The following CFAP20DC variants were observed in gnomAD, a reference collection of about 807,000 sequenced individuals.
The protein encoded by CFAP20DC is protein CFAP20DC.
Under a neutral mutation model 101.7 loss-of-function variants are expected in CFAP20DC, and 84 were observed. The ratio of observed to expected loss-of-function variants is 0.83; its 90% CI spans 0.69 to 0.99. The LOEUF (loss-of-function observed/expected upper bound fraction) is 0.99, where lower values mean the gene tolerates loss of function less well. CFAP20DC is among the 50% of genes least tolerant of loss of function. The pLI is 0.00. For missense variants in CFAP20DC, 1,007 were observed against 970.3 expected, an observed-to-expected ratio of 1.04 and a Z score of -0.50; for synonymous variants, 359 against 351.2, an observed-to-expected ratio of 1.02 and a Z score of -0.25.
chr3:58,834,236 A>G (rs2076586899), intron 13 of CFAP20DC, among the ~76,000 whole-genome samples: 1 of 152,172 alleles, frequency 6.6e-6, no homozygotes, highest in African/African-American at 2.4e-5. Context: ...TTTGGTAATC[A>G]GATGTGCACA....
intron 12 of CFAP20DC, among the ~76,000 whole-genome samples, chr3:58,854,122 A>AGG: frequency 6.6e-6 from 1 of 152,216 alleles, no homozygotes; most frequent in South Asian, 2.1e-4. Flanking sequence ...AAGCTGATGA[A>AGG]CAACTTCAGC....
intron 15 of CFAP20DC, among the ~76,000 whole-genome samples, chr3:58,766,983 G>A (rs568458071): frequency 1.3e-5 from 2 of 152,262 alleles, no homozygotes; most frequent in African/African-American, 4.8e-5. Context: ...TGATCTTCTC[G>A]TTAAGAGCTC....
intron 5 of CFAP20DC, among the ~76,000 whole-genome samples, chr3:58,922,863 A>G (rs1183169826): frequency 1.3e-5 from 2 of 151,992 alleles, no homozygotes; most frequent in Non-Finnish European, 2.9e-5. Context: ...ACTTATCACA[A>G]TTTAGCTATG....
chr3:58,720,184 A>C (rs1235228118), intron 3 of CFAP20DC, among the ~76,000 whole-genome samples: 4 of 152,244 alleles, frequency 2.6e-5, no homozygotes, highest in Non-Finnish European at 5.9e-5. Context: ...CTAGAATGTA[A>C]GTACTGTGAG....
At chr3:58,809,666 T>C (rs1465422062) in intron 14 of CFAP20DC, among the ~76,000 whole-genome samples, 3 of 151,760 alleles carry the variant, frequency 2.0e-5, no homozygotes, top group African/African-American at 4.8e-5. Flanking sequence ...AGCAAACACA[T>C]ACGAAAGCTA....
Position 58,769,702 on chromosome 3 carries a change from T to C in CFAP20DC, c.2238-15839A>G, listed in dbSNP as rs141009038. On this transcript the variant is annotated intron_variant, in intron 15 of 16. Coordinates refer to ENST00000482387, the MANE Select transcript of CFAP20DC (RefSeq NM_001394063.1). Reference sequence around the variant, plus strand: ...CCAGACATGTCTCCCCTCCTAAAAGTGCTCCCAGAGGATGTTTACATTATC... The same window carrying C: ...CCAGACATGTCTCCCCTCCTAAAAGCGCTCCCAGAGGATGTTTACATTATC... Among the ~76,000 whole-genome samples, 455 of 152,188 alleles carry C rather than the reference T, an allele frequency of 3.0e-3. 2 individuals carry two copies. The highest frequency in any genetic ancestry group is 5.0e-3 in the Non-Finnish European group (337 of 68,016).
intron 4 of CFAP20DC, among the ~76,000 whole-genome samples, chr3:58,979,070 G>C (rs1467861322): frequency 2.6e-5 from 4 of 152,154 alleles, no homozygotes; most frequent in Admixed American, 2.0e-4. Context: ...TTTCCACAAA[G>C]GTCCCAGAAG....
intron 6 of CFAP20DC, among the ~76,000 whole-genome samples, chr3:58,893,132 C>T (rs1258242721): frequency 6.6e-6 from 1 of 151,736 alleles, no homozygotes; most frequent in Non-Finnish European, 1.5e-5. Context: ...CAATCTCTGC[C>T]TCCCGGGTTC....
At chr3:58,746,847 C>T (rs1454672561) in intron 16 of CFAP20DC, among the ~76,000 whole-genome samples, 1 of 152,060 alleles carries the variant, frequency 6.6e-6, no homozygotes, top group East Asian at 1.9e-4. Flanking sequence ...TTCATTGTAA[C>T]TTAATTTTCA....
chr3:58,762,402 C>G (rs2069719351), intron 15 of CFAP20DC, among the ~76,000 whole-genome samples: 1 of 152,102 alleles, frequency 6.6e-6, no homozygotes, highest in Non-Finnish European at 1.5e-5. Context: ...AGATCTCCCT[C>G]CATCCTTTTA....
chr3:58,949,199 A>C (rs963143008), intron 4 of CFAP20DC, among the ~76,000 whole-genome samples: 3 of 151,916 alleles, frequency 2.0e-5, no homozygotes, highest in East Asian at 1.9e-4. Flanking sequence ...GTCTTGCTAG[A>C]GGTCTATCAA....
intron 15 of CFAP20DC, among the ~76,000 whole-genome samples, chr3:58,804,759 T>C (rs75868291): frequency 0.018 from 2,700 of 152,340 alleles, 33 homozygotes; most frequent in Non-Finnish European, 0.026. Flanking sequence ...TAGGCAAATC[T>C]AGATGAGCTG....
At chr3:58,991,421 C>T (rs1217080245) in intron 4 of CFAP20DC, among the ~76,000 whole-genome samples, 1 of 152,014 alleles carries the variant, frequency 6.6e-6, no homozygotes, top group Non-Finnish European at 1.5e-5. Flanking sequence ...ATGTTTGAAC[C>T]TCAATATGAA....
At chr3:58,946,387 G>C (rs1034664672) in intron 4 of CFAP20DC, among the ~76,000 whole-genome samples, 27 of 152,220 alleles carry the variant, frequency 1.8e-4, no homozygotes, top group Middle Eastern at 3.4e-3. Context: ...AAAGTGCTGG[G>C]ATTACAGCGT....
chr3:58,937,367 C>G (rs1405374361), intron 5 of CFAP20DC, among the ~76,000 whole-genome samples: 2 of 152,172 alleles, frequency 1.3e-5, no homozygotes, highest in African/African-American at 4.8e-5. Flanking sequence ...TCCCCCATCC[C>G]CAGTCAGATG....
At position 58,913,220 on chromosome 3, in the gene CFAP20DC, T is replaced by C. The variant is rs540540192; in HGVS notation, c.550+488A>G. ...TAGCCCAGCATTATGATGTGACTTATGGAGTCTCTGTATAGTTGCAGTAGC... is the reference window on the plus strand; with the variant it reads ...TAGCCCAGCATTATGATGTGACTTACGGAGTCTCTGTATAGTTGCAGTAGC... On this transcript the variant is annotated intron_variant, in intron 6 of 16. Coordinates refer to ENST00000482387, the MANE Select transcript of CFAP20DC (RefSeq NM_001394063.1). The surrounding 1 kb of genome is among the most constrained non-coding windows in gnomAD (Gnocchi z 4.4). Among the ~76,000 whole-genome samples the C allele has an allele frequency of 1.3e-5, 2 of 152,290 alleles. No individual in the cohort carries two copies. Among genetic ancestry groups the C allele is most frequent in the South Asian group, 4.1e-4 (2 of 4,826 alleles).
Position 58,964,704 on chromosome 3 carries a change from C to T in CFAP20DC, c.279-26942G>A, listed in dbSNP as rs2091407991. 2.0e-5 allele frequency among the ~76,000 whole-genome samples: 3 copies of T among 152,200 alleles called. No individual in the cohort carries two copies. Among genetic ancestry groups the T allele is most frequent in the Admixed American group, 6.5e-5 (1 of 15,270 alleles). On this transcript the variant is annotated intron_variant, in intron 4 of 16. Transcript: ENST00000482387. The surrounding 1 kb of genome is among the most constrained non-coding windows in gnomAD (Gnocchi z 4.1). ...GGTTTTGTGTGTACATCAAATTGCA[C>T]ACACATTTTTGTATTATGCATTCAT... is the stretch of plus-strand genomic sequence containing the variant.
At chr3:58,951,925 C>T (rs2090159739) in intron 4 of CFAP20DC, among the ~76,000 whole-genome samples, 1 of 152,022 alleles carries the variant, frequency 6.6e-6, no homozygotes, top group African/African-American at 2.4e-5. Context: ...AAAAGGGTTA[C>T]TAGAATTTGG....
intron 4 of CFAP20DC, among the ~76,000 whole-genome samples, chr3:59,028,309 C>G (rs2093928478): frequency 1.3e-5 from 2 of 152,186 alleles, no homozygotes; most frequent in African/African-American, 4.8e-5. Flanking sequence ...ATTTGGGATG[C>G]AAAATGCTAA....
Sources: gnomAD v4.1 joint callset for allele counts (sites outside exome capture counted in the v4.1 genomes callset) on GRCh38, gnomAD v4.1.1 for gene constraint, Gnocchi (gnomAD v3.1) non-coding constraint, MANE v1.5 for transcripts, NCBI Gene and HGNC (gene_info 2026-07-23, HGNC 2026-07-21) for gene names.